The following CACNA2D3 variants were observed in gnomAD, a reference collection of about 807,000 sequenced individuals.
The protein encoded by CACNA2D3 is voltage-dependent calcium channel subunit alpha-2/delta-3.
CACNA2D3 carries 60 observed loss-of-function variants against 160.6 expected under a neutral mutation model. The observed-to-expected ratio is 0.37, with a 90% CI of 0.30 to 0.46. The LOEUF (loss-of-function observed/expected upper bound fraction) is 0.46, where lower values mean the gene tolerates loss of function less well. Among genes scored for constraint, CACNA2D3 ranks in the 20% least tolerant of loss-of-function variants. The pLI is 1.00. For missense variants in CACNA2D3, 1,205 were observed against 1,365.0 expected (o/e 0.88, Z 1.85); for synonymous variants, 558 against 492.9 (o/e 1.13, Z -1.75).
rs188850955 is a variant in CACNA2D3, at chr3:54,642,770, C to A, written c.1167+529C>A. ...GCTTTCCACGTTGACAGTTATTAAC[C>A]TTTTGAGGCCATTGTGAGGTTATTA... On this transcript the variant is annotated intron_variant, in intron 11 of 37. Transcript: ENST00000474759. Among the ~76,000 whole-genome samples the A allele has an allele frequency of 2.0e-5, 3 of 152,180 alleles. No individual in the cohort carries two copies. The East Asian group carries it at 5.8e-4, about 29-fold the overall frequency.
intron 35 of CACNA2D3, among the ~76,000 whole-genome samples, chr3:55,041,674 AT>A (rs1279233468): frequency 1.3e-5 from 2 of 151,552 alleles, no homozygotes; most frequent in African/African-American, 4.8e-5. Context: ...TTCATTGCCT[AT>A]TTTTTTGATC....
chr3:54,267,210 G>T (rs1702534542), intron 2 of CACNA2D3, among the ~76,000 whole-genome samples: 1 of 152,174 alleles, frequency 6.6e-6, no homozygotes, highest in Admixed American at 6.5e-5. Flanking sequence ...TGTACTCAGT[G>T]TGTTTCTACC....
intron 4 of CACNA2D3, among the ~76,000 whole-genome samples, chr3:54,474,472 A>C (rs1420155230): frequency 2.0e-5 from 3 of 152,148 alleles, no homozygotes; most frequent in Non-Finnish European, 2.9e-5. Context: ...GGGTGCAGCA[A>C]ACCACTATGG....
At chr3:54,975,556 C>T (rs543650089) in intron 29 of CACNA2D3, among the ~76,000 whole-genome samples, 2 of 150,606 alleles carry the variant, frequency 1.3e-5, no homozygotes, top group East Asian at 3.9e-4. Flanking sequence ...AACAACGTGG[C>T]CCCCTTTGGT....
intron 9 of CACNA2D3, among the ~76,000 whole-genome samples, chr3:54,622,810 T>G (rs1274145292): frequency 4.0e-5 from 6 of 151,880 alleles, no homozygotes; most frequent in African/African-American, 1.2e-4. Context: ...TTAGGATTGA[T>G]CATCAGCAAA....
At chr3:54,193,116 T>C (rs1701012224) in intron 2 of CACNA2D3, among the ~76,000 whole-genome samples, 1 of 152,214 alleles carries the variant, frequency 6.6e-6, no homozygotes, top group Non-Finnish European at 1.5e-5. Flanking sequence ...ACTTTTGTTA[T>C]CGAACCCCTT....
In CACNA2D3 at chr3:54,757,659, G is replaced by A. The variant is rs537602297; in HGVS notation, c.1246+4982G>A. ...GAAGATGGTGATGCTTGCTGTTACC[G>A]TAAAACAGCAACTAAGGATGACAAG... On this transcript the variant is annotated intron_variant, in intron 12 of 37. Transcript: ENST00000474759. 4.6e-5 allele frequency among the ~76,000 whole-genome samples: 7 copies of A among 152,320 alleles called. No individual in the cohort carries two copies. The South Asian group carries it at 1.4e-3, about 32-fold the overall frequency.
In CACNA2D3 at chr3:54,561,185, A is replaced by G. The variant is rs138194108; in HGVS notation, c.545-1615A>G. Among the ~76,000 whole-genome samples, 3 of 152,334 alleles carry G rather than the reference A, an allele frequency of 2.0e-5. No individual in the cohort carries two copies. The East Asian group carries it at 5.8e-4, about 29-fold the overall frequency. On this transcript the variant is annotated intron_variant, in intron 5 of 37. Coordinates refer to ENST00000474759, the MANE Select transcript of CACNA2D3 (RefSeq NM_018398.3). ...TTTGGGCAGTATGACCATTTTAACA[A>G]TATTGATTCTTCTTATCCATGAGCA...
intron 6 of CACNA2D3, among the ~76,000 whole-genome samples, chr3:54,566,443 C>T (rs555081865): frequency 6.6e-6 from 1 of 152,330 alleles, no homozygotes; most frequent in South Asian, 2.1e-4. Context: ...TTTTATAGCC[C>T]TCTGTGGGAC....
At chr3:54,429,991 A>G (rs1699965830) in intron 4 of CACNA2D3, among the ~76,000 whole-genome samples, 1 of 152,212 alleles carries the variant, frequency 6.6e-6, no homozygotes, top group Non-Finnish European at 1.5e-5. Flanking sequence ...TAGGGAATGA[A>G]TGCCCTATAA....
chr3:54,877,539 C>G (rs1199461565), intron 18 of CACNA2D3, among the ~76,000 whole-genome samples: 1 of 152,118 alleles, frequency 6.6e-6, no homozygotes, highest in Non-Finnish European at 1.5e-5. Flanking sequence ...GGTAAGTGAT[C>G]GAGATACCCA....
At chr3:54,681,743 A>G (rs545413507) in intron 11 of CACNA2D3, among the ~76,000 whole-genome samples, 13 of 152,156 alleles carry the variant, frequency 8.5e-5, no homozygotes, top group African/African-American at 2.9e-4. Flanking sequence ...GTGTGATGCA[A>G]TCTCGGCTCA....
intron 2 of CACNA2D3, among the ~76,000 whole-genome samples, chr3:54,280,461 A>C (rs1019696453): frequency 2.1e-4 from 32 of 152,130 alleles, no homozygotes; most frequent in South Asian, 2.1e-4. Flanking sequence ...GTAGGCAGAA[A>C]CCCAAAGAAG....
intron 11 of CACNA2D3, among the ~76,000 whole-genome samples, chr3:54,643,164 T>G (rs529098): frequency 0.83 from 125,622 of 152,178 alleles, 53,733 homozygotes; most frequent in Non-Finnish European, 0.95. Context: ...GGCCAAGTCC[T>G]TACTGCTTTA....
intron 17 of CACNA2D3, among the ~76,000 whole-genome samples, chr3:54,847,930 T>C (rs1407371224): frequency 6.6e-6 from 1 of 152,220 alleles, no homozygotes. Flanking sequence ...ACAGAGTCCA[T>C]GAAACAATCA....
At chr3:54,335,769 G>C (rs1443516214) in intron 3 of CACNA2D3, among the ~76,000 whole-genome samples, 2 of 152,014 alleles carry the variant, frequency 1.3e-5, no homozygotes, top group East Asian at 3.9e-4. Context: ...CTTTTGGGAG[G>C]CTGAGGCGGG....
At chr3:54,213,681 A>G (rs1256709172) in intron 2 of CACNA2D3, among the ~76,000 whole-genome samples, 1 of 152,248 alleles carries the variant, frequency 6.6e-6, no homozygotes, top group Non-Finnish European at 1.5e-5. Flanking sequence ...ATTTGACATC[A>G]CAGGGGACAG....
chr3:54,686,061 C>G (rs1224500208), intron 11 of CACNA2D3, among the ~76,000 whole-genome samples: 1 of 152,210 alleles, frequency 6.6e-6, no homozygotes, highest in Non-Finnish European at 1.5e-5. Flanking sequence ...ATTCTCATAG[C>G]AGGACTGTGT....
intron 2 of CACNA2D3, among the ~76,000 whole-genome samples, chr3:54,216,275 T>C (rs1489806027): frequency 1.3e-5 from 2 of 152,230 alleles, no homozygotes; most frequent in Non-Finnish European, 2.9e-5. Flanking sequence ...TATTGTGAAC[T>C]ACCAAGCTTT....
Sources: allele counts gnomAD v4.1 joint callset (sites outside exome capture counted in the v4.1 genomes callset), GRCh38; gene constraint gnomAD v4.1.1; transcripts MANE v1.5; gene names NCBI Gene and HGNC (gene_info 2026-07-23, HGNC 2026-07-21).